ISM1: variants seen among roughly 807,000 people sequenced by gnomAD.
ISM1 encodes isthmin-1.
In ISM1, 25 loss-of-function variants were observed where a neutral mutation model predicts 46.3. The observed-to-expected ratio is 0.54, with a 90% confidence interval of 0.39 to 0.75. The LOEUF (loss-of-function observed/expected upper bound fraction) is 0.75. ISM1 is among the 30% of genes least tolerant of loss of function. The pLI is 0.00. For missense variants in ISM1, 536 were observed against 625.4 expected (o/e 0.86, Z 1.52); for synonymous variants, 255 against 256.7 (o/e 0.99, Z 0.06).
At chr20:13,285,547 C>T (rs2040282458) in intron 3 of ISM1, among the ~76,000 whole-genome samples, 1 of 152,252 alleles carries the variant, frequency 6.6e-6, no homozygotes, top group South Asian at 2.1e-4. Context: ...AGGCACTTCA[C>T]GCTTGGGGGA....
chr20:13,256,124 G>A (rs984236176), intron 1 of ISM1, among the ~76,000 whole-genome samples: 3 of 152,038 alleles, frequency 2.0e-5, no homozygotes, highest in African/African-American at 7.2e-5. Flanking sequence ...GGACAGGCGT[G>A]GTGGCTCATG....
intron 5 of ISM1, among the ~76,000 whole-genome samples, chr20:13,293,699 C>T: frequency 6.6e-6 from 1 of 152,160 alleles, no homozygotes; most frequent in East Asian, 1.9e-4. Flanking sequence ...ATGGTCTGGG[C>T]ACAGTGACTC....
intron 1 of ISM1, among the ~76,000 whole-genome samples, chr20:13,268,114 G>GTCTTCTCTTCTCTTCTCTTCTCTTC (rs766774336): frequency 0.053 from 7,398 of 139,998 alleles, 388 homozygotes; most frequent in East Asian, 0.18. Flanking sequence ...CTCCTCTCCT[G>GTCTTCTCTTCTCTTCTCTTCTCTTC]TCTTCTCTTC....
At chr20:13,277,879 C>A (rs549444841) in intron 2 of ISM1, among the ~76,000 whole-genome samples, 18 of 152,116 alleles carry the variant, frequency 1.2e-4, no homozygotes, top group South Asian at 6.2e-4. Flanking sequence ...AACCACAGCC[C>A]GGGCCCATTG....
downstream of ISM1, among the ~76,000 whole-genome samples, chr20:13,302,967 T>G (rs1263444774): frequency 1.3e-5 from 2 of 152,224 alleles, no homozygotes; most frequent in Non-Finnish European, 1.5e-5. Context: ...TAGAGTTCTC[T>G]GTCTTAACGC....
In ISM1 at chr20:13,250,477, T is replaced by C. The variant is rs117879189; in HGVS notation, c.139-20027T>C. On this transcript the variant is annotated intron_variant, in intron 1 of 5. Coordinates refer to ENST00000262487, the MANE Select transcript of ISM1 (RefSeq NM_080826.2). ...GTAATGGGCAAGGCTTTTGTCCTCATTGATTGGGCAAACCATGGCAACACA... is the reference window on the plus strand; with the variant it reads ...GTAATGGGCAAGGCTTTTGTCCTCACTGATTGGGCAAACCATGGCAACACA... Among the ~76,000 whole-genome samples the C allele has an allele frequency of 3.8e-3, 586 of 152,230 alleles. 5 individuals carry two copies. Among genetic ancestry groups the C allele is most frequent in the Middle Eastern group, 0.017 (5 of 294 alleles).
chr20:13,263,175 C>G (rs754197259), intron 1 of ISM1, among the ~76,000 whole-genome samples: 19 of 152,220 alleles, frequency 1.2e-4, no homozygotes, highest in Non-Finnish European at 2.4e-4. Flanking sequence ...GACATTTGCT[C>G]TGTTCCTGCT....
intron 1 of ISM1, among the ~76,000 whole-genome samples, chr20:13,232,333 A>G (rs1015181343): frequency 6.6e-6 from 1 of 152,172 alleles, no homozygotes; most frequent in Non-Finnish European, 1.5e-5. Context: ...CCAAGCAACC[A>G]CTGATCTGCC....
intron 1 of ISM1, 117 bp downstream of exon 1, chr20:13,222,031 A>G: frequency 9.8e-7 from 1 of 1,019,702 alleles, no homozygotes; most frequent in Non-Finnish European, 1.3e-6. Flanking sequence ...ACCTAAGAGC[A>G]ACTGTTTTGG....
chr20:13,265,501 C>T (rs2040032792), intron 1 of ISM1, among the ~76,000 whole-genome samples: 1 of 152,152 alleles, frequency 6.6e-6, no homozygotes, highest in Non-Finnish European at 1.5e-5. Flanking sequence ...GTCAAGCTGA[C>T]TCCTGTGTTC....
chr20:13,325,686 A>G, the ISM1 span, among the ~76,000 whole-genome samples: 1 of 152,220 alleles, frequency 6.6e-6, no homozygotes, highest in Non-Finnish European at 1.5e-5. Flanking sequence ...CAAAACTGTG[A>G]CATGTGGGTA....
At chr20:13,240,625 T>C (rs574095947) in intron 1 of ISM1, among the ~76,000 whole-genome samples, 43 of 152,222 alleles carry the variant, frequency 2.8e-4, no homozygotes, top group Non-Finnish European at 5.6e-4. Context: ...TGTTCTAGGA[T>C]TGGTGAGGAA....
In ISM1 at chr20:13,279,810, C is replaced by T. The variant is rs377766422; in HGVS notation, c.555C>T (p.Asp185=). The T allele has an allele frequency of 8.9e-5, 143 of 1,613,890 alleles. No homozygotes were observed. Among genetic ancestry groups the T allele is most frequent in the Admixed American group, 2.8e-4 (17 of 60,008 alleles). ...DQDYKYDSTS[D]DSNFLNPPRG... ...ACTACAAGTACGACAGTACCTCAGACGACAGCAACTTCCTCAACCCCCCCA... is the reference window on the plus strand; with the variant it reads ...ACTACAAGTACGACAGTACCTCAGATGACAGCAACTTCCTCAACCCCCCCA... Residue 185 remains aspartate (D), a synonymous_variant, in exon 3 of 6, where the codon GAC becomes GAT. Coordinates refer to ENST00000262487, the MANE Select transcript of ISM1 (RefSeq NM_080826.2).
chr20:13,251,824 T>C (rs1373982207), intron 1 of ISM1, among the ~76,000 whole-genome samples: 1 of 152,042 alleles, frequency 6.6e-6, no homozygotes, highest in Non-Finnish European at 1.5e-5. Context: ...CTGGGGAGGG[T>C]GAGCACTTAG....
At chr20:13,294,145 C>CTT (rs2040383851) in intron 5 of ISM1, among the ~76,000 whole-genome samples, 1 of 152,116 alleles carries the variant, frequency 6.6e-6, no homozygotes, top group Non-Finnish European at 1.5e-5. Context: ...TTCTGGGTTT[C>CTT]TAAGAGAGGC....
At chr20:13,302,800 A>G (rs1031595836), downstream of ISM1, among the ~76,000 whole-genome samples, 2 of 152,176 alleles carry the variant, frequency 1.3e-5, no homozygotes, top group Non-Finnish European at 2.9e-5. Context: ...CAACAGTGGT[A>G]AACAGAGATG....
At chr20:13,263,366 C>T (rs566828401) in intron 1 of ISM1, among the ~76,000 whole-genome samples, 24 of 151,654 alleles carry the variant, frequency 1.6e-4, no homozygotes, top group African/African-American at 5.3e-4. Flanking sequence ...CTCCTAGGAT[C>T]GTGGTCTCCA....
intron 1 of ISM1, among the ~76,000 whole-genome samples, chr20:13,240,598 A>G (rs2039708525): frequency 6.6e-6 from 1 of 152,256 alleles, no homozygotes; most frequent in South Asian, 2.1e-4. Flanking sequence ...TTTGCAGGTC[A>G]TGATAAAGAA....
chr20:13,320,231 T>C, the ISM1 span, among the ~76,000 whole-genome samples: 1 of 152,308 alleles, frequency 6.6e-6, no homozygotes, highest in South Asian at 2.1e-4. Flanking sequence ...CTTGTATTCA[T>C]GGAATAGGTG....
Sources: gnomAD v4.1 joint callset for allele counts (sites outside exome capture counted in the v4.1 genomes callset) on GRCh38, gnomAD v4.1.1 for gene constraint, MANE v1.5 for transcripts, NCBI Gene and HGNC (gene_info 2026-07-23, HGNC 2026-07-21) for gene names.